The following SEPTIN8 variants were observed in gnomAD, a reference collection of about 807,000 sequenced individuals.
The protein encoded by SEPTIN8 is septin 8.
A neutral mutation model predicts 53.1 loss-of-function variants in SEPTIN8; 22 were observed. The observed-to-expected ratio is 0.41, with a 90% CI of 0.30 to 0.59. SEPTIN8 has a LOEUF of 0.59. Among genes scored for constraint, SEPTIN8 ranks in the 20% least tolerant of loss-of-function variants. The pLI is 0.24. For synonymous variants in SEPTIN8, 228 were observed against 248.4 expected (o/e 0.92, Z 0.77); for missense variants, 536 against 638.7 (o/e 0.84, Z 1.73).
chr5:132,779,425 A>C (rs1758004783), upstream of SEPTIN8, among the ~76,000 whole-genome samples: 2 of 152,182 alleles, frequency 1.3e-5, no homozygotes, highest in Non-Finnish European at 2.9e-5. Flanking sequence ...TTGATCAGCT[A>C]ATATGCATTT....
In SEPTIN8 at chr5:132,752,854, A is replaced by G. The variant is rs371510502; in HGVS notation, c.1287-673T>C. Reference sequence around the variant, plus strand: ...GGTTCTGCTTGAAGATGGCCACTCTATTCTAATACAGGTTGGTGATATGCA... The same window carrying G: ...GGTTCTGCTTGAAGATGGCCACTCTGTTCTAATACAGGTTGGTGATATGCA... On this transcript the variant is annotated intron_variant, in intron 9 of 9. Coordinates refer to ENST00000378719, the MANE Select transcript of SEPTIN8 (RefSeq NM_001098811.2). 2.0e-5 allele frequency: 32 copies of G among 1,610,182 alleles called. No individual in the cohort carries two copies. The African/African-American group carries it at 3.7e-4, about 19-fold the overall frequency.
At chr5:132,765,371 C>T (rs778352221) in intron 2 of SEPTIN8, 38 bp downstream of exon 2, 24 of 1,610,124 alleles carry the variant, frequency 1.5e-5, no homozygotes, top group Non-Finnish European at 2.5e-6. Context: ...AGGAGGTTCT[C>T]ACCCACCCTC....
At chr5:132,758,077 A>C in intron 9 of SEPTIN8, 1 of 999,318 alleles carries the variant, frequency 1.0e-6, no homozygotes, top group Non-Finnish European at 1.2e-6. Context: ...ATTTACATTC[A>C]CAGTAAAAAC....
chr5:132,760,560 G>C lies in SEPTIN8; in HGVS notation c.1286+242C>G, dbSNP rs734583. Among the ~76,000 whole-genome samples, 13 of 152,284 alleles carry C rather than the reference G, an allele frequency of 8.5e-5. No homozygotes were observed. In the South Asian group the frequency reaches 2.7e-3, roughly 32 times the overall value. ...GGAGAGGGAGGGGGAGCACAAGATT[G>C]CCTGTGCAAGTGAGACTGCATGAGT... On this transcript the variant is annotated intron_variant, in intron 9 of 9. Transcript: ENST00000378719. The surrounding 1 kb of genome is among the most constrained non-coding windows in gnomAD (Gnocchi z 5.2).
chr5:132,775,352 G>A (rs1277471300), intron 1 of SEPTIN8, among the ~76,000 whole-genome samples: 1 of 152,178 alleles, frequency 6.6e-6, no homozygotes, highest in Non-Finnish European at 1.5e-5. Flanking sequence ...TACATAGGGG[G>A]CCAGTCCTCA....
In SEPTIN8 at chr5:132,765,543, A is replaced by G; in HGVS notation, c.31-14T>C. The G allele has an allele frequency of 6.3e-7, 1 of 1,577,694 alleles. No individual in the cohort carries two copies. The highest frequency in any genetic ancestry group is 2.3e-5 in the East Asian group (1 of 44,148). ...TGGCTCTGCATTCTGCCAAGAGAGA[A>G]ATAAAGCAAGACATGAGCCCACTGG... On this transcript the variant is annotated splice_polypyrimidine_tract_variant and intron_variant, in intron 1 of 9. Transcript: ENST00000378719.
chr5:132,759,110 C>G, intron 9 of SEPTIN8: 1 of 556,820 alleles, frequency 1.8e-6, no homozygotes. Context: ...ACACCCCTGC[C>G]CCCATTCCAA....
chr5:132,758,152 A>T (rs945544766), intron 9 of SEPTIN8: 68 of 1,039,824 alleles, frequency 6.5e-5, no homozygotes, highest in Non-Finnish European at 7.2e-5. Flanking sequence ...CTGTCATTAC[A>T]GGAAGTTTAT....
At chr5:132,755,785 C>G (rs1380685862) in intron 9 of SEPTIN8, among the ~76,000 whole-genome samples, 1 of 152,170 alleles carries the variant, frequency 6.6e-6, no homozygotes, top group Non-Finnish European at 1.5e-5. Flanking sequence ...CTTCCTGTAA[C>G]TTTCCTGTGA....
intron 2 of SEPTIN8, 102 bp downstream of exon 2, chr5:132,765,307 T>C (rs1045257259): frequency 7.0e-7 from 1 of 1,418,552 alleles, no homozygotes; most frequent in African/African-American, 1.4e-5. Flanking sequence ...AGTTTCACTC[T>C]GCCTGGGAAG....
At chr5:132,752,966 A>C (rs1016120286) in intron 9 of SEPTIN8, 2 of 1,613,662 alleles carry the variant, frequency 1.2e-6, no homozygotes, top group Non-Finnish European at 1.7e-6. Context: ...TCACCTGCCA[A>C]CTAGCCCCTC....
intron 9 of SEPTIN8, chr5:132,758,347 T>C (rs1434393836): frequency 1.4e-6 from 2 of 1,400,576 alleles, no homozygotes; most frequent in Non-Finnish European, 9.3e-7. Flanking sequence ...AAAATTAAGC[T>C]GTAGGTTAGA....
At chr5:132,754,163 C>T in intron 9 of SEPTIN8, 3 of 444,562 alleles carry the variant, frequency 6.7e-6, no homozygotes, top group Non-Finnish European at 1.2e-5. Context: ...TAATTGCTTC[C>T]GATCCTGTAT....
chr5:132,756,348 T>G, intron 9 of SEPTIN8: 1 of 980,860 alleles, frequency 1.0e-6, no homozygotes, highest in Non-Finnish European at 1.2e-6. Flanking sequence ...TAGCATCCCC[T>G]TTCTCTCTCA....
intron 1 of SEPTIN8, among the ~76,000 whole-genome samples, chr5:132,772,941 T>C (rs1757457520): frequency 6.6e-6 from 1 of 152,190 alleles, no homozygotes; most frequent in Non-Finnish European, 1.5e-5. Flanking sequence ...CTTCCTCTGC[T>C]GGTTCTGTCC....
intron 1 of SEPTIN8, among the ~76,000 whole-genome samples, chr5:132,768,144 GCCT>G (rs955623461): frequency 6.6e-5 from 10 of 152,058 alleles, no homozygotes; most frequent in Non-Finnish European, 1.5e-4. Context: ...CTGCAGAGTG[GCCT>G]CCTCTCACAC....
Position 132,764,337 on chromosome 5 carries a change from C to G in SEPTIN8, c.234G>C (p.Glu78Asp). ...TFETEEASHH[E>D]ACVRLRPQTY... ...TCTGGGGCCGCAGGCGCACGCATGC[C>G]TCATGGTGACTGGCTTCCTCAGTCT... The change falls in exon 3 of 10, where the codon GAG becomes GAC. Residue 78 changes from glutamate (E) to aspartate (D), a missense_variant. Transcript: ENST00000378719. 6.2e-7 allele frequency: 1 copy of G among 1,614,200 alleles called. No homozygotes were observed. The highest frequency in any genetic ancestry group is 1.1e-5 in the South Asian group (1 of 91,084).
At position 132,766,111 on chromosome 5, in the gene SEPTIN8, C is replaced by T. The variant is rs114773152; in HGVS notation, c.31-582G>A. Among the ~76,000 whole-genome samples, 1,436 of 152,328 alleles carry T rather than the reference C, an allele frequency of 9.4e-3. 25 individuals carry two copies. Among genetic ancestry groups the T allele is most frequent in the African/African-American group, 0.033 (1,365 of 41,554 alleles). On this transcript the variant is annotated intron_variant, in intron 1 of 9. Transcript: ENST00000378719. ...TTCACCCCTGCTCCTCACACACCCACGTGTGGGACTCATGCATGGACCCTG... is the reference window on the plus strand; with the variant it reads ...TTCACCCCTGCTCCTCACACACCCATGTGTGGGACTCATGCATGGACCCTG...
chr5:132,764,691 G>A (rs112281037), intron 2 of SEPTIN8, among the ~76,000 whole-genome samples: 1 of 152,218 alleles, frequency 6.6e-6, no homozygotes. Flanking sequence ...TCCTCAGGGA[G>A]CAGGGAAGAG....
Sources: allele counts gnomAD v4.1 joint callset (sites outside exome capture counted in the v4.1 genomes callset), GRCh38; gene constraint gnomAD v4.1.1; non-coding constraint Gnocchi (gnomAD v3.1); transcripts MANE v1.5; gene names NCBI Gene and HGNC (gene_info 2026-07-23, HGNC 2026-07-21).